The following CWC22 variants were observed in gnomAD, a reference collection of about 807,000 sequenced individuals.
CWC22 encodes pre-mRNA-splicing factor CWC22 homolog.
In CWC22, 53 loss-of-function variants were observed where a neutral mutation model predicts 117.2. The observed-to-expected ratio is 0.45, with a 90% CI of 0.36 to 0.57. The LOEUF is 0.57. Ranked by LOEUF, CWC22 falls within the 20% of genes least tolerant of loss-of-function variation. The pLI is 0.00. For synonymous variants in CWC22, 360 were observed against 355.6 expected, an observed-to-expected ratio of 1.01 and a Z score of -0.14; for missense variants, 980 against 1,068.8, an observed-to-expected ratio of 0.92 and a Z score of 1.16.
intron 8 of CWC22, among the ~76,000 whole-genome samples, chr2:179,971,619 A>G (rs1423310407): frequency 6.6e-6 from 1 of 152,174 alleles, no homozygotes; most frequent in African/African-American, 2.4e-5. Context: ...ACAGTTTTGA[A>G]TAGTCTATCT....
intron 13 of CWC22, 94 bp from the exon 14 acceptor site, chr2:179,959,176 C>T: frequency 2.6e-6 from 2 of 759,482 alleles, no homozygotes; most frequent in Non-Finnish European, 4.4e-6. Flanking sequence ...TTTAAATCAT[C>T]TTTTTTAACT....
intron 3 of CWC22, among the ~76,000 whole-genome samples, chr2:179,987,674 G>C (rs966860199): frequency 4.6e-5 from 7 of 152,020 alleles, no homozygotes; most frequent in Admixed American, 2.6e-4. Flanking sequence ...AAGAAAGTTT[G>C]AAGGGTGCTT....
chr2:179,948,009 T>C (rs967377736), intron 19 of CWC22, among the ~76,000 whole-genome samples: 2 of 152,192 alleles, frequency 1.3e-5, no homozygotes, highest in African/African-American at 2.4e-5. Flanking sequence ...TCAGAAACTG[T>C]GAACCAGATC....
At chr2:179,979,524 G>A (rs1307730037) in intron 5 of CWC22, among the ~76,000 whole-genome samples, 3 of 152,150 alleles carry the variant, frequency 2.0e-5, no homozygotes, top group Admixed American at 2.0e-4. Context: ...GGGCTTGTAG[G>A]TTAAGAATCC....
rs140278616 is a variant in CWC22 at position 179,998,934 on chromosome 2, T to C, written c.-113-5480A>G. Among the ~76,000 whole-genome samples the C allele has an allele frequency of 4.4e-3, 675 of 152,300 alleles. 11 individuals are homozygous for C. Among genetic ancestry groups the C allele is most frequent in the African/African-American group, 0.015 (635 of 41,576 alleles). On this transcript the variant is annotated intron_variant, in intron 1 of 19. Coordinates refer to ENST00000410053, the MANE Select transcript of CWC22 (RefSeq NM_020943.3). The stretch of plus-strand genomic sequence containing the variant: ...TCAGAACAAGCAATTTCTGTGCATT[T>C]TATTTCTATTTAAATTTACATATTT...
intron 14 of CWC22, among the ~76,000 whole-genome samples, chr2:179,958,307 G>A (rs1456945515): frequency 1.7e-4 from 25 of 146,576 alleles, no homozygotes; most frequent in Admixed American, 1.2e-3. Context: ...CTCTAGCCTG[G>A]GCGACATAGT....
chr2:179,999,150 G>A (rs1378207754), intron 1 of CWC22, among the ~76,000 whole-genome samples: 4 of 152,094 alleles, frequency 2.6e-5, no homozygotes, highest in South Asian at 4.1e-4. Context: ...AATGAATAAA[G>A]TATTGTCATT....
At position 179,950,517 on chromosome 2, in the gene CWC22, G is replaced by C. The variant is rs755840521; in HGVS notation, c.2135C>G (p.Ala712Gly). The change falls in exon 19 of 20, where the codon GCC (alanine) becomes GGC (glycine). Residue 712 changes from alanine to glycine, a missense_variant. This residue lies in a region of CWC22 where 306 missense variants were observed against 296.8 expected (regional missense o/e 1.03). Coordinates refer to ENST00000410053, the MANE Select transcript of CWC22 (RefSeq NM_020943.3). ...TTACACATAAGCTTCAATACCTGAG[G>C]CAGAGCTATGACTACTGATGGATGA... ...DSSSISSHSS[A>G]SANDVRKKGH... is the part of the protein sequence containing the mutation. 1.2e-6 allele frequency: 2 copies of C among 1,600,038 alleles called. No homozygotes were observed. Among genetic ancestry groups the C allele is most frequent in the African/African-American group, 1.3e-5 (1 of 74,748 alleles).
chr2:179,955,057 T>G, intron 14 of CWC22, 23 bp from the exon 15 acceptor site: 1 of 1,485,300 alleles, frequency 6.7e-7, no homozygotes, highest in Non-Finnish European at 9.3e-7. Context: ...AAAAATACAT[T>G]AATGATTCAA....
intron 3 of CWC22, among the ~76,000 whole-genome samples, chr2:179,988,171 C>T (rs1013410118): frequency 3.9e-5 from 6 of 152,152 alleles, no homozygotes; most frequent in Non-Finnish European, 5.9e-5. Flanking sequence ...TGGTCCATGG[C>T]TCTGGGGGTT....
At chr2:179,973,544 G>A (rs1687082478) in intron 7 of CWC22, 90 bp downstream of exon 7, 1 of 812,688 alleles carries the variant, frequency 1.2e-6, no homozygotes, top group African/African-American at 1.7e-5. Flanking sequence ...TTATGTAGCT[G>A]TGTCAAAATC....
At chr2:179,986,150 T>A (rs1351400002) in intron 4 of CWC22, among the ~76,000 whole-genome samples, 1 of 152,058 alleles carries the variant, frequency 6.6e-6, no homozygotes, top group Non-Finnish European at 1.5e-5. Context: ...ACCAAGGAAA[T>A]ATTGCAAGTC....
chr2:179,975,486 A>AG, intron 6 of CWC22, among the ~76,000 whole-genome samples: 1 of 152,258 alleles, frequency 6.6e-6, no homozygotes, highest in South Asian at 2.1e-4. Flanking sequence ...AATCAAAAAT[A>AG]GAGAAGCCTG....
In CWC22 at chr2:179,986,788, C is replaced by T. The variant is rs369017213; in HGVS notation, c.113G>A (p.Arg38Gln). 3.2e-5 allele frequency: 51 copies of T among 1,577,608 alleles called. No homozygotes were observed. In the East Asian group the frequency reaches 9.0e-4, roughly 28 times the overall value. Reference sequence around the variant, plus strand: ...AAAGTAATCTCTATCCCGGGGGGATCGTTCTTGTTCTTCATATCTAACATA... The same window carrying T: ...AAAGTAATCTCTATCCCGGGGGGATTGTTCTTGTTCTTCATATCTAACATA... Reference protein sequence around the residue: ...SPEDRYEEQERSPRDRDYFDY... With the variant: ...SPEDRYEEQEQSPRDRDYFDY... The change falls in exon 4 of 20, where the codon CGA becomes CAA. Residue 38 changes from arginine to glutamine, a missense_variant. Coordinates refer to ENST00000410053, the MANE Select transcript of CWC22 (RefSeq NM_020943.3).
chr2:179,998,946 A>C lies in CWC22; in HGVS notation c.-113-5492T>G, dbSNP rs73975742. On this transcript the variant is annotated intron_variant, in intron 1 of 19. Transcript: ENST00000410053. The stretch of plus-strand genomic sequence containing the variant: ...ATTTCTGTGCATTTTATTTCTATTT[A>C]AATTTACATATTTCAATTTACATAT... 8.6e-3 allele frequency among the ~76,000 whole-genome samples: 1,306 copies of C among 152,234 alleles called. 21 individuals are homozygous for C. Among genetic ancestry groups the C allele is most frequent in the African/African-American group, 0.03 (1,234 of 41,544 alleles).
intron 1 of CWC22, among the ~76,000 whole-genome samples, chr2:180,001,017 T>A (rs764568066): frequency 6.6e-6 from 1 of 152,224 alleles, no homozygotes; most frequent in South Asian, 2.1e-4. Flanking sequence ...TTTTTACGCA[T>A]AGGAAGATTC....
intron 1 of CWC22, 139 bp downstream of exon 1, chr2:180,006,728 C>G (rs747057694): frequency 6.6e-6 from 1 of 152,266 alleles, no homozygotes. Context: ...TCCAGAGGCT[C>G]TAAGTATAAA....
At chr2:179,951,573 T>G (rs902040139) in intron 17 of CWC22, among the ~76,000 whole-genome samples, 1 of 151,932 alleles carries the variant, frequency 6.6e-6, no homozygotes, top group African/African-American at 2.4e-5. Context: ...CCCAGATAGA[T>G]CAATAAGACA....
intron 1 of CWC22, among the ~76,000 whole-genome samples, chr2:180,003,650 T>C (rs1233895610): frequency 1.3e-5 from 2 of 152,126 alleles, no homozygotes; most frequent in Non-Finnish European, 2.9e-5. Flanking sequence ...AATAAAGCTA[T>C]CCTGACAAAC....
Sources: gnomAD v4.1 joint callset for allele counts (sites outside exome capture counted in the v4.1 genomes callset) on GRCh38, gnomAD v4.1.1 for gene constraint, gnomAD v4.1.1 regional missense constraint, MANE v1.5 for transcripts, NCBI Gene and HGNC (gene_info 2026-07-23, HGNC 2026-07-21) for gene names.